Variants in ARHGEF10 observed in about 807,000 individuals in gnomAD.
The protein encoded by ARHGEF10 is Rho guanine nucleotide exchange factor 10, also known as Rho guanine nucleotide exchange factor (GEF) 10.
ARHGEF10 carries 140 observed loss-of-function variants against 147.4 expected under a neutral mutation model. The observed-to-expected ratio is 0.95, with a 90% CI of 0.83 to 1.09. ARHGEF10 has a LOEUF of 1.09. Among genes scored for constraint, ARHGEF10 ranks in the 50% least tolerant of loss-of-function variants. ARHGEF10 has a pLI of 0.00. For synonymous variants in ARHGEF10, 902 were observed against 695.8 expected (o/e 1.30, Z -4.67); for missense variants, 2,222 against 1,752.7 (o/e 1.27, Z -4.78).
intron 17 of ARHGEF10, among the ~76,000 whole-genome samples, chr8:1,906,375 T>C (rs1810891762): frequency 6.6e-6 from 1 of 152,210 alleles, no homozygotes; most frequent in Non-Finnish European, 1.5e-5. Flanking sequence ...TGAGATCCAG[T>C]TGCTAAACAT....
chr8:1,954,243 G>T (rs770040368), intron 28 of ARHGEF10, among the ~76,000 whole-genome samples: 10 of 152,016 alleles, frequency 6.6e-5, no homozygotes, highest in African/African-American at 2.4e-4. Context: ...ACAGGCACCA[G>T]CCACCATGCC....
At chr8:1,838,782 G>T (rs1803745035) in intron 1 of ARHGEF10, among the ~76,000 whole-genome samples, 1 of 152,170 alleles carries the variant, frequency 6.6e-6, no homozygotes, top group South Asian at 2.1e-4. Flanking sequence ...TCTGATGTGG[G>T]GGACATCCAG....
chr8:1,940,228 T>C (rs894756286), intron 26 of ARHGEF10, among the ~76,000 whole-genome samples: 6 of 152,204 alleles, frequency 3.9e-5, no homozygotes, highest in African/African-American at 1.4e-4. Flanking sequence ...CTTTTTAAAA[T>C]CCTCTCTATG....
chr8:1,830,756 C>T (rs73538725), intron 1 of ARHGEF10, among the ~76,000 whole-genome samples: 2 of 152,214 alleles, frequency 1.3e-5, no homozygotes, highest in South Asian at 2.1e-4. Context: ...AAGGCATACA[C>T]GGGGCTACAA....
In ARHGEF10 at chr8:1,876,600, G is replaced by T; in HGVS notation, c.709G>T (p.Gly237Trp). The change falls in exon 8 of 29, where the codon GGG becomes TGG. Residue 237 changes from glycine to tryptophan, a missense_variant. Physicochemically the swap from Gly to Trp is radical, Grantham distance 184. Coordinates refer to ENST00000349830, the MANE Select transcript of ARHGEF10 (RefSeq NM_014629.4). Reference sequence around the variant, plus strand: ...AATGATTTATGATGATGTTGAGAATGGGGATGAAGGTGGAAACAGCTCCTT... The same window carrying T: ...AATGATTTATGATGATGTTGAGAATTGGGATGAAGGTGGAAACAGCTCCTT... ...DEMIYDDVEN[G>W]DEGGNSSLEY... The T allele has an allele frequency of 6.2e-7, 1 of 1,614,218 alleles. No homozygotes were observed. Among genetic ancestry groups the T allele is most frequent in the Non-Finnish European group, 8.5e-7 (1 of 1,180,014 alleles).
At chr8:1,866,439 A>G in intron 5 of ARHGEF10, 87 bp from the exon 6 acceptor site, 1 of 1,031,060 alleles carries the variant, frequency 9.7e-7, no homozygotes, top group South Asian at 1.3e-5. Context: ...ACACACACAC[A>G]CACACACACA....
intron 25 of ARHGEF10, among the ~76,000 whole-genome samples, chr8:1,930,275 G>A (rs1224594122): frequency 2.0e-5 from 3 of 152,028 alleles, no homozygotes; most frequent in Admixed American, 6.5e-5. Flanking sequence ...GCGACGCCTT[G>A]GCGGGTCCTG....
At chr8:1,941,450 A>G (rs1370220092) in intron 26 of ARHGEF10, among the ~76,000 whole-genome samples, 1 of 152,244 alleles carries the variant, frequency 6.6e-6, no homozygotes, top group East Asian at 1.9e-4. Context: ...ATTCAGAGAA[A>G]TTAAAGAATA....
chr8:1,903,161 T>A, intron 15 of ARHGEF10, 120 bp from the exon 16 acceptor site: 1 of 1,296,480 alleles, frequency 7.7e-7, no homozygotes, highest in Non-Finnish European at 1.1e-6. Context: ...TGACTTTATT[T>A]TTCCCCAGGA....
intron 4 of ARHGEF10, among the ~76,000 whole-genome samples, chr8:1,861,106 C>T (rs1433010724): frequency 6.6e-6 from 1 of 152,228 alleles, no homozygotes; most frequent in Non-Finnish European, 1.5e-5. Context: ...GCCTCGCTCA[C>T]CTCCGGTCTC....
chr8:1,945,483 T>C lies in ARHGEF10; in HGVS notation c.3225T>C (p.Gly1075=), dbSNP rs200816850. ...GACTTGACCTCTCGATTTCACAGGG[T>C]CAGCTGGAGGCCCACCAGGAGGAAG... ...IISVETHAVE[G]QLEAHQEEGM... Residue 1075 remains glycine, a splice_region_variant and synonymous_variant, in exon 27 of 29, where the codon GGT becomes GGC. Transcript: ENST00000349830. 6.3e-6 allele frequency: 10 copies of C among 1,594,942 alleles called. No homozygotes were observed. The African/African-American group carries it at 1.2e-4, about 19-fold the overall frequency.
At chr8:1,882,159 G>A (rs1218101070) in intron 9 of ARHGEF10, among the ~76,000 whole-genome samples, 1 of 152,206 alleles carries the variant, frequency 6.6e-6, no homozygotes, top group Non-Finnish European at 1.5e-5. Flanking sequence ...TCAGCCCCGT[G>A]GCTGGAGCTG....
intron 6 of ARHGEF10, among the ~76,000 whole-genome samples, chr8:1,867,953 G>T (rs1248901076): frequency 6.6e-6 from 1 of 152,140 alleles, no homozygotes; most frequent in Non-Finnish European, 1.5e-5. Flanking sequence ...GATCGTTACA[G>T]GATTAAATTA....
intron 1 of ARHGEF10, 133 bp from the exon 2 acceptor site, chr8:1,843,220 G>C (rs1054969919): frequency 4.9e-5 from 33 of 679,948 alleles, no homozygotes; most frequent in Admixed American, 1.1e-4. Flanking sequence ...AATAGGTGGT[G>C]AGTCTTCTAA....
Position 1,937,462 on chromosome 8 carries a change from C to A in ARHGEF10, c.3222+3520C>A, listed in dbSNP as rs773442078. On this transcript the variant is annotated intron_variant, in intron 26 of 28. Transcript: ENST00000349830. The surrounding 1 kb of genome is among the most constrained non-coding windows in gnomAD (Gnocchi z 4.9). Reference sequence around the variant, plus strand: ...TGACAGCTGGGGGTAATTCCCCTTTCTCAGGCTGCTTGTAATTTATATGCT... The same window carrying A: ...TGACAGCTGGGGGTAATTCCCCTTTATCAGGCTGCTTGTAATTTATATGCT... Among the ~76,000 whole-genome samples, 12 of 152,228 alleles carry A rather than the reference C, an allele frequency of 7.9e-5. No individual in the cohort carries two copies. The highest frequency in any genetic ancestry group is 1.5e-4 in the Non-Finnish European group (10 of 68,030).
At position 1,857,877 on chromosome 8, in the gene ARHGEF10, TCG is replaced by T. The variant is rs1491548161; in HGVS notation, c.38-82_38-81del. The T allele has an allele frequency of 4.6e-3, 4,100 of 895,284 alleles. 9 individuals carry two copies. Among genetic ancestry groups the T allele is most frequent in the Admixed American group, 7.0e-3 (250 of 35,738 alleles). 55.5% of individuals were successfully genotyped at this position (895,284 alleles called of 1,614,324 possible). ...AGTGTCTCTGGCTAACATAGATCGA[TCG>T]ATCTATCTATCTATCTATCTATCTA... On this transcript the variant is annotated intron_variant, in intron 2 of 28. Coordinates refer to ENST00000349830, the MANE Select transcript of ARHGEF10 (RefSeq NM_014629.4).
intron 27 of ARHGEF10, among the ~76,000 whole-genome samples, chr8:1,947,286 C>T (rs530361208): frequency 1.4e-4 from 21 of 152,308 alleles, no homozygotes; most frequent in African/African-American, 4.8e-4. Flanking sequence ...GCACCCGAGC[C>T]TCCAAATCCT....
intron 18 of ARHGEF10, among the ~76,000 whole-genome samples, chr8:1,914,486 C>T (rs572045982): frequency 2.9e-4 from 44 of 152,378 alleles, no homozygotes; most frequent in South Asian, 4.1e-4. Flanking sequence ...TCCAACGTGT[C>T]CTCTCCAGAG....
intron 7 of ARHGEF10, chr8:1,869,884 C>T (rs1403065508): frequency 6.1e-6 from 1 of 162,658 alleles, no homozygotes; most frequent in East Asian, 1.7e-4. Flanking sequence ...CGGCCACGTC[C>T]AGCAAAGTAC....
Sources: allele counts gnomAD v4.1 joint callset (sites outside exome capture counted in the v4.1 genomes callset), GRCh38; gene constraint gnomAD v4.1.1; non-coding constraint Gnocchi (gnomAD v3.1); transcripts MANE v1.5; gene names NCBI Gene and HGNC (gene_info 2026-07-23, HGNC 2026-07-21).